HS3ST4: variants seen among roughly 807,000 people sequenced by gnomAD.
HS3ST4 encodes the protein heparan sulfate-glucosamine 3-sulfotransferase 4, also known as heparan sulfate glucosamine 3-O-sulfotransferase 4.
Under a neutral mutation model 29.2 loss-of-function variants are expected in HS3ST4, and 17 were observed. The observed-to-expected ratio is 0.58, with a 90% CI of 0.40 to 0.87. The LOEUF (loss-of-function observed/expected upper bound fraction) is 0.87. Among genes scored for constraint, HS3ST4 ranks in the 40% least tolerant of loss-of-function variants. The pLI, the probability that HS3ST4 is intolerant of heterozygous loss-of-function variation, is 0.00. For synonymous variants in HS3ST4, 314 were observed against 285.7 expected (o/e 1.10, Z -1.00); for missense variants, 627 against 634.5 (o/e 0.99, Z 0.13).
intron 1 of HS3ST4, among the ~76,000 whole-genome samples, chr16:26,006,853 G>A (rs1440492773): frequency 6.6e-6 from 1 of 152,120 alleles, no homozygotes; most frequent in African/African-American, 2.4e-5. Context: ...GAAGTCTTTC[G>A]TTAACTTTAC....
intron 1 of HS3ST4, among the ~76,000 whole-genome samples, chr16:26,078,771 A>G (rs2141781247): frequency 6.6e-6 from 1 of 152,350 alleles, no homozygotes; most frequent in African/African-American, 2.4e-5. Flanking sequence ...GGGGGCTTAC[A>G]GGCAAATAGA....
intron 1 of HS3ST4, among the ~76,000 whole-genome samples, chr16:25,853,074 C>A (rs901185575): frequency 6.6e-6 from 1 of 152,126 alleles, no homozygotes; most frequent in South Asian, 2.1e-4. Flanking sequence ...TTTTCCCCAG[C>A]GTTATTATCA....
intron 1 of HS3ST4, among the ~76,000 whole-genome samples, chr16:25,970,882 ACT>A (rs1464410508): frequency 2.0e-5 from 3 of 151,106 alleles, no homozygotes; most frequent in Admixed American, 6.6e-5. Context: ...ATGGAGTCTC[ACT>A]CTGTCGCTCA....
intron 1 of HS3ST4, among the ~76,000 whole-genome samples, chr16:25,731,574 C>T (rs1966570138): frequency 6.6e-6 from 1 of 152,136 alleles, no homozygotes; most frequent in African/African-American, 2.4e-5. Context: ...CTCCTGGACT[C>T]AAGTGATCTT....
intron 1 of HS3ST4, among the ~76,000 whole-genome samples, chr16:25,872,165 T>C (rs1480678262): frequency 6.6e-6 from 1 of 152,190 alleles, no homozygotes; most frequent in Non-Finnish European, 1.5e-5. Flanking sequence ...ATGCAAGCTG[T>C]CTCTCAAATC....
chr16:25,776,052 C>T (rs542222600), intron 1 of HS3ST4, among the ~76,000 whole-genome samples: 11 of 152,316 alleles, frequency 7.2e-5, no homozygotes, highest in South Asian at 4.1e-4. Context: ...TCCTCTCAGT[C>T]CAGGAGTCTG....
intron 1 of HS3ST4, among the ~76,000 whole-genome samples, chr16:25,796,459 C>T (rs183228266): frequency 2.3e-4 from 35 of 152,266 alleles, no homozygotes; most frequent in African/African-American, 7.7e-4. Flanking sequence ...ACCGCATGCT[C>T]AGATTTGATA....
chr16:25,899,650 C>T (rs901173985), intron 1 of HS3ST4, among the ~76,000 whole-genome samples: 6 of 151,544 alleles, frequency 4.0e-5, no homozygotes, highest in African/African-American at 4.9e-5. Flanking sequence ...GGATTACAGG[C>T]GCATGCCACC....
intron 1 of HS3ST4, among the ~76,000 whole-genome samples, chr16:26,121,298 C>A (rs1467389222): frequency 6.6e-6 from 1 of 152,152 alleles, no homozygotes. Flanking sequence ...ATTTTCTGGA[C>A]ATGCGACTAG....
At chr16:26,002,019 A>G (rs1969215831) in intron 1 of HS3ST4, among the ~76,000 whole-genome samples, 1 of 152,106 alleles carries the variant, frequency 6.6e-6, no homozygotes, top group Non-Finnish European at 1.5e-5. Context: ...CTGCTTTAGA[A>G]CCCTGAGTGG....
At chr16:25,765,367 C>T (rs1321094575) in intron 1 of HS3ST4, among the ~76,000 whole-genome samples, 5 of 152,164 alleles carry the variant, frequency 3.3e-5, no homozygotes, top group Non-Finnish European at 7.4e-5. Flanking sequence ...AAGACCCAAT[C>T]GCCAGGAGCC....
intron 1 of HS3ST4, among the ~76,000 whole-genome samples, chr16:26,041,067 G>T (rs1969632571): frequency 6.6e-6 from 1 of 152,198 alleles, no homozygotes; most frequent in South Asian, 2.1e-4. Context: ...GCTAGGCATG[G>T]TGATTCATGC....
At chr16:25,832,396 G>GTGAA (rs1353293659) in intron 1 of HS3ST4, among the ~76,000 whole-genome samples, 3 of 152,212 alleles carry the variant, frequency 2.0e-5, no homozygotes, top group African/African-American at 4.8e-5. Flanking sequence ...GAGCATCCCA[G>GTGAA]TGAATGCCAC....
intron 1 of HS3ST4, among the ~76,000 whole-genome samples, chr16:25,976,307 A>G (rs1003944308): frequency 6.6e-6 from 1 of 151,784 alleles, no homozygotes; most frequent in South Asian, 2.1e-4. Context: ...ATGTCAGTTT[A>G]TTTCTTTTCT....
chr16:26,013,950 G>A (rs1489316541), intron 1 of HS3ST4, among the ~76,000 whole-genome samples: 2 of 151,974 alleles, frequency 1.3e-5, no homozygotes, highest in Non-Finnish European at 2.9e-5. Context: ...AGAGGTTGCA[G>A]TAAGCTGAGA....
At chr16:26,067,303 TTC>T (rs1898553913) in intron 1 of HS3ST4, among the ~76,000 whole-genome samples, 1 of 152,202 alleles carries the variant, frequency 6.6e-6, no homozygotes, top group Non-Finnish European at 1.5e-5. Context: ...TCAGCATTGA[TTC>T]TCTGTCCCTC....
chr16:25,956,736 T>C (rs4787788), intron 1 of HS3ST4, among the ~76,000 whole-genome samples: 75,423 of 151,916 alleles, frequency 0.5, 19,090 homozygotes, highest in African/African-American at 0.58. Context: ...TGGTGGCTCA[T>C]GCCTGTAATC....
chr16:26,049,352 TACATCCGGAGGTC>T (rs1898307914), intron 1 of HS3ST4, among the ~76,000 whole-genome samples: 1 of 147,756 alleles, frequency 6.8e-6, no homozygotes, highest in Non-Finnish European at 1.5e-5. Flanking sequence ...TCCGGAGGTC[TACATCCGGAGGTC>T]TACATCCGGA....
chr16:25,964,298 C>T (rs184288598), intron 1 of HS3ST4, among the ~76,000 whole-genome samples: 209 of 152,112 alleles, frequency 1.4e-3, no homozygotes, highest in Non-Finnish European at 2.5e-3. Context: ...GTCAGGGTGA[C>T]GAGTTCAGTT....
Sources: gnomAD v4.1 joint callset for allele counts (sites outside exome capture counted in the v4.1 genomes callset) on GRCh38, gnomAD v4.1.1 for gene constraint, MANE v1.5 for transcripts, NCBI Gene and HGNC (gene_info 2026-07-23, HGNC 2026-07-21) for gene names.